Variants in CLSTN2 observed in about 807,000 individuals in gnomAD.
The protein encoded by CLSTN2 is calsyntenin-2.
A neutral mutation model predicts 101.2 loss-of-function variants in CLSTN2; 48 were observed. That is an observed-to-expected ratio of 0.47 (90% CI 0.38 to 0.60). The LOEUF (loss-of-function observed/expected upper bound fraction) is 0.60, where lower values mean the gene tolerates loss of function less well. Ranked by LOEUF, CLSTN2 falls within the 20% of genes least tolerant of loss-of-function variation. The pLI, the probability that CLSTN2 is intolerant of heterozygous loss-of-function variation, is 0.00. For synonymous variants in CLSTN2, 481 were observed against 463.6 expected (o/e 1.04, Z -0.48); for missense variants, 1,160 against 1,238.2 (o/e 0.94, Z 0.95).
chr3:140,504,713 T>C (rs945019137), intron 8 of CLSTN2, among the ~76,000 whole-genome samples: 1 of 152,246 alleles, frequency 6.6e-6, no homozygotes, highest in Admixed American at 6.5e-5. Flanking sequence ...TTGCCTGTAA[T>C]TGGCACTCAC....
chr3:140,293,135 C>T (rs912462057), intron 2 of CLSTN2, among the ~76,000 whole-genome samples: 2 of 152,204 alleles, frequency 1.3e-5, no homozygotes, highest in Non-Finnish European at 2.9e-5. Context: ...CAAGCTGAAT[C>T]TTCAGGGTGA....
At position 140,303,120 on chromosome 3, in the gene CLSTN2, A is replaced by G. The variant is rs149085709; in HGVS notation, c.233-100509A>G. ...ACCTAAGGCATTCTGGGATGAATTCAGATCTCAGTTTAGGTTCTAACTGTT... is the reference window on the plus strand; with the variant it reads ...ACCTAAGGCATTCTGGGATGAATTCGGATCTCAGTTTAGGTTCTAACTGTT... On this transcript the variant is annotated intron_variant, in intron 2 of 16. Coordinates refer to ENST00000458420, the MANE Select transcript of CLSTN2 (RefSeq NM_022131.3). Among the ~76,000 whole-genome samples the G allele has an allele frequency of 2.1e-3, 319 of 152,364 alleles. 3 individuals are homozygous for G. Among genetic ancestry groups the G allele is most frequent in the African/African-American group, 7.3e-3 (304 of 41,592 alleles).
chr3:140,226,612 G>A (rs1370812185), intron 2 of CLSTN2, among the ~76,000 whole-genome samples: 1 of 152,134 alleles, frequency 6.6e-6, no homozygotes, highest in Non-Finnish European at 1.5e-5. Flanking sequence ...TGTTAGAAAT[G>A]TGAATAATTG....
chr3:140,497,525 A>G (rs1403433191), intron 8 of CLSTN2, among the ~76,000 whole-genome samples: 1 of 151,998 alleles, frequency 6.6e-6, no homozygotes, highest in African/African-American at 2.4e-5. Flanking sequence ...GGCCGCCCCC[A>G]CCTCAGGAGC....
chr3:140,446,824 C>A (rs1933092358), intron 5 of CLSTN2, among the ~76,000 whole-genome samples: 1 of 152,196 alleles, frequency 6.6e-6, no homozygotes, highest in Non-Finnish European at 1.5e-5. Flanking sequence ...AAAGGAGCCC[C>A]TCTCTATCAC....
At chr3:140,345,702 C>G (rs948724342) in intron 2 of CLSTN2, among the ~76,000 whole-genome samples, 2 of 150,446 alleles carry the variant, frequency 1.3e-5, no homozygotes, top group Non-Finnish European at 2.9e-5. Context: ...GTGGCTGCCA[C>G]TCAGTTTTGT....
At chr3:140,085,898 G>T (rs1218395207) in intron 1 of CLSTN2, among the ~76,000 whole-genome samples, 2 of 152,178 alleles carry the variant, frequency 1.3e-5, no homozygotes, top group Non-Finnish European at 2.9e-5. Context: ...ATGAAAGTCT[G>T]TGATGACTAG....
At chr3:140,371,061 T>C (rs1362223969) in intron 2 of CLSTN2, among the ~76,000 whole-genome samples, 1 of 152,228 alleles carries the variant, frequency 6.6e-6, no homozygotes, top group Admixed American at 6.5e-5. Flanking sequence ...TTTTGCTGTC[T>C]TTCTGGCAAA....
chr3:140,000,144 A>G (rs1428890805), intron 1 of CLSTN2, among the ~76,000 whole-genome samples: 2 of 152,060 alleles, frequency 1.3e-5, no homozygotes, highest in Non-Finnish European at 2.9e-5. Context: ...ACATAACTAC[A>G]TTTGTAGATG....
At chr3:139,991,574 G>C (rs1936115184) in intron 1 of CLSTN2, among the ~76,000 whole-genome samples, 1 of 152,218 alleles carries the variant, frequency 6.6e-6, no homozygotes, top group African/African-American at 2.4e-5. Context: ...TTAAAGGCCA[G>C]AGTTTCAATA....
At chr3:140,480,059 G>A (rs78774898) in intron 8 of CLSTN2, among the ~76,000 whole-genome samples, 9,543 of 151,618 alleles carry the variant, frequency 0.063, 729 homozygotes, top group East Asian at 0.32. Flanking sequence ...CCGTTAACTC[G>A]TCATTTAGCA....
chr3:140,305,247 C>A (rs1325331119), intron 2 of CLSTN2, among the ~76,000 whole-genome samples: 2 of 151,750 alleles, frequency 1.3e-5, no homozygotes, highest in Non-Finnish European at 1.5e-5. Flanking sequence ...TATTATTTAT[C>A]TAATATATAT....
chr3:140,290,961 A>G (rs1345260011), intron 2 of CLSTN2, among the ~76,000 whole-genome samples: 1 of 152,142 alleles, frequency 6.6e-6, no homozygotes, highest in Non-Finnish European at 1.5e-5. Context: ...CAGCATACAA[A>G]CAGGGCCAAC....
intron 1 of CLSTN2, among the ~76,000 whole-genome samples, chr3:139,985,695 G>T (rs1401036532): frequency 6.6e-6 from 1 of 152,144 alleles, no homozygotes; most frequent in Non-Finnish European, 1.5e-5. Flanking sequence ...ACAAAGCTGG[G>T]GAAACGAAAG....
intron 2 of CLSTN2, among the ~76,000 whole-genome samples, chr3:140,214,817 TTGAC>T (rs1385420315): frequency 6.6e-6 from 1 of 152,234 alleles, no homozygotes; most frequent in African/African-American, 2.4e-5. Flanking sequence ...CAATCTTTCT[TTGAC>T]TGTCTGAAAC....
intron 2 of CLSTN2, among the ~76,000 whole-genome samples, chr3:140,294,088 C>T (rs780705965): frequency 3.3e-5 from 5 of 152,294 alleles, no homozygotes; most frequent in Non-Finnish European, 5.9e-5. Flanking sequence ...TTTTAACATA[C>T]GAATCTTGGG....
intron 1 of CLSTN2, among the ~76,000 whole-genome samples, chr3:140,084,132 C>T (rs887956814): frequency 1.3e-5 from 2 of 152,274 alleles, no homozygotes; most frequent in Admixed American, 6.5e-5. Flanking sequence ...CCCGATGAAT[C>T]AGCATATTGG....
intron 2 of CLSTN2, among the ~76,000 whole-genome samples, chr3:140,304,644 C>T (rs1315904470): frequency 2.0e-5 from 3 of 152,178 alleles, no homozygotes; most frequent in Non-Finnish European, 4.4e-5. Context: ...GGGACACAAG[C>T]CTTTAATCCA....
chr3:140,142,645 T>C (rs1228202209), intron 1 of CLSTN2, among the ~76,000 whole-genome samples: 1 of 152,254 alleles, frequency 6.6e-6, no homozygotes, highest in East Asian at 1.9e-4. Context: ...ACAAGAATTA[T>C]TGTCATTCTG....
Sources: allele counts gnomAD v4.1 joint callset (sites outside exome capture counted in the v4.1 genomes callset), GRCh38; gene constraint gnomAD v4.1.1; transcripts MANE v1.5; gene names NCBI Gene and HGNC (gene_info 2026-07-23, HGNC 2026-07-21).